The following ZNF423 variants were observed in gnomAD, a reference collection of about 807,000 sequenced individuals.
The protein encoded by ZNF423 is Ebf-associated zinc finger protein.
In ZNF423, 12 loss-of-function variants were observed where a neutral mutation model predicts 95.8. The observed-to-expected ratio is 0.13, with a 90% CI of 0.08 to 0.20. The LOEUF (loss-of-function observed/expected upper bound fraction) is 0.20, where lower values mean the gene tolerates loss of function less well. Ranked by LOEUF, ZNF423 falls within the 10% of genes least tolerant of loss-of-function variation. The pLI, the probability that ZNF423 is intolerant of heterozygous loss-of-function variation, is 1.00. For missense variants in ZNF423, 1,316 were observed against 1,737.1 expected, an observed-to-expected ratio of 0.76 and a Z score of 4.31; for synonymous variants, 749 against 711.9, an observed-to-expected ratio of 1.05 and a Z score of -0.83.
intron 1 of ZNF423, among the ~76,000 whole-genome samples, chr16:49,806,226 C>A (rs780762805): frequency 1.3e-5 from 2 of 152,218 alleles, no homozygotes; most frequent in African/African-American, 4.8e-5. Context: ...GGCACCCCAG[C>A]CCCCCAGGGA....
intron 4 of ZNF423, among the ~76,000 whole-genome samples, chr16:49,632,623 C>T (rs986296499): frequency 1.3e-5 from 2 of 152,148 alleles, no homozygotes; most frequent in Admixed American, 1.3e-4. Flanking sequence ...CCCTGCACAG[C>T]CGCGCACAGC....
At chr16:49,508,379 G>A (rs56985590) in intron 7 of ZNF423, among the ~76,000 whole-genome samples, 8,170 of 151,962 alleles carry the variant, frequency 0.054, 325 homozygotes, top group African/African-American at 0.11. Context: ...CGTTAGCTGG[G>A]TATAGTGGTG....
At chr16:49,776,271 C>T (rs996102399) in intron 2 of ZNF423, among the ~76,000 whole-genome samples, 2 of 152,234 alleles carry the variant, frequency 1.3e-5, no homozygotes, top group Non-Finnish European at 2.9e-5. Flanking sequence ...AGCCGACCCC[C>T]ACTCCCAGGA....
chr16:49,639,688 T>C (rs1369953403), intron 3 of ZNF423, among the ~76,000 whole-genome samples: 1 of 152,068 alleles, frequency 6.6e-6, no homozygotes, highest in Non-Finnish European at 1.5e-5. Flanking sequence ...AATGAGGACA[T>C]GGAAGGCCAC....
intron 7 of ZNF423, among the ~76,000 whole-genome samples, chr16:49,493,197 T>A (rs368028165): frequency 7.0e-4 from 107 of 152,218 alleles, no homozygotes; most frequent in African/African-American, 2.5e-3. Context: ...ACAGCCATCC[T>A]CCTGCTACCT....
intron 7 of ZNF423, among the ~76,000 whole-genome samples, chr16:49,509,967 G>A (rs1025135923): frequency 1.3e-5 from 2 of 152,360 alleles, no homozygotes; most frequent in East Asian, 3.9e-4. Flanking sequence ...GTGCCTGGTT[G>A]GTGGTGGTGC....
At chr16:49,519,481 A>G (rs929337115) in intron 7 of ZNF423, among the ~76,000 whole-genome samples, 7 of 152,124 alleles carry the variant, frequency 4.6e-5, no homozygotes, top group Non-Finnish European at 1.0e-4. Context: ...GCATCAGGCT[A>G]TGGTTTTCAC....
chr16:49,684,569 TG>T (rs1329518553), intron 3 of ZNF423, among the ~76,000 whole-genome samples: 2 of 152,198 alleles, frequency 1.3e-5, no homozygotes, highest in Non-Finnish European at 2.9e-5. Flanking sequence ...AAGTCTGCTT[TG>T]GGCTGAAGAT....
chr16:49,580,956 G>GA (rs767248285), intron 5 of ZNF423, among the ~76,000 whole-genome samples: 3 of 152,126 alleles, frequency 2.0e-5, no homozygotes, highest in African/African-American at 7.2e-5. Flanking sequence ...CACATGCACA[G>GA]AAAAAGGGCC....
intron 3 of ZNF423, among the ~76,000 whole-genome samples, chr16:49,659,431 T>G (rs1315533761): frequency 6.6e-6 from 1 of 152,192 alleles, no homozygotes; most frequent in African/African-American, 2.4e-5. Flanking sequence ...CATAATCCTT[T>G]CACTAGACCC....
intron 3 of ZNF423, among the ~76,000 whole-genome samples, chr16:49,725,005 C>T (rs980400838): frequency 6.6e-6 from 1 of 152,210 alleles, no homozygotes; most frequent in African/African-American, 2.4e-5. Context: ...TTCTCAAGCA[C>T]AGGCAAGCTG....
At chr16:49,842,825 A>C (rs755287505) in intron 1 of ZNF423, among the ~76,000 whole-genome samples, 3 of 152,004 alleles carry the variant, frequency 2.0e-5, no homozygotes, top group Non-Finnish European at 4.4e-5. Context: ...AATAAAAATA[A>C]AAAATTAGCC....
chr16:49,540,290 T>G (rs1026536904), intron 5 of ZNF423, among the ~76,000 whole-genome samples: 3 of 152,152 alleles, frequency 2.0e-5, no homozygotes, highest in Non-Finnish European at 4.4e-5. Context: ...TTGTTTTGTT[T>G]TGTTTTGTTT....
chr16:49,506,759 G>A (rs902589520), intron 7 of ZNF423, among the ~76,000 whole-genome samples: 16 of 151,424 alleles, frequency 1.1e-4, no homozygotes, highest in Non-Finnish European at 2.4e-4. Context: ...GGACGAATGG[G>A]TAGGTGATAG....
chr16:49,801,297 G>C (rs2034579318), intron 1 of ZNF423, among the ~76,000 whole-genome samples: 1 of 152,198 alleles, frequency 6.6e-6, no homozygotes, highest in African/African-American at 2.4e-5. Context: ...TCTGGCACTG[G>C]AGGCTTTTAC....
chr16:49,755,040 G>A (rs1055888935), intron 2 of ZNF423, among the ~76,000 whole-genome samples: 9 of 152,294 alleles, frequency 5.9e-5, no homozygotes, highest in Admixed American at 2.0e-4. Context: ...GCAGCGGCAC[G>A]CTCTCCCCTG....
chr16:49,531,869 A>T lies in ZNF423; in HGVS notation c.3602-6375T>A, dbSNP rs1413432653. Among the ~76,000 whole-genome samples, 27 of 152,178 alleles carry T rather than the reference A, an allele frequency of 1.8e-4. 1 individual carries two copies. The highest frequency in any genetic ancestry group is 1.8e-3 in the Admixed American group (27 of 15,286). Reference sequence around the variant, plus strand: ...CACTTCCCTGCCAAGCAGCCCGGGCAGCACCTGGGAGCTTGAGAGAAATGC... The same window carrying T: ...CACTTCCCTGCCAAGCAGCCCGGGCTGCACCTGGGAGCTTGAGAGAAATGC... On this transcript the variant is annotated intron_variant, in intron 5 of 7. Transcript: ENST00000563137.
chr16:49,751,522 T>C (rs1002276803), intron 2 of ZNF423, among the ~76,000 whole-genome samples: 1 of 152,114 alleles, frequency 6.6e-6, no homozygotes, highest in African/African-American at 2.4e-5. Flanking sequence ...CCAGCCTAAA[T>C]TGGTCAAATC....
At chr16:49,857,152 T>A (rs2035380242), upstream of ZNF423, among the ~76,000 whole-genome samples, 1 of 150,292 alleles carries the variant, frequency 6.7e-6, no homozygotes, top group Non-Finnish European at 1.5e-5. The surrounding 1 kb of genome is among the most constrained non-coding windows in gnomAD (Gnocchi z 6.2). Flanking sequence ...AGCAGGAGGA[T>A]GTGAGGAGCG....
Sources: gnomAD v4.1 joint callset for allele counts (sites outside exome capture counted in the v4.1 genomes callset) on GRCh38, gnomAD v4.1.1 for gene constraint, Gnocchi (gnomAD v3.1) non-coding constraint, MANE v1.5 for transcripts, NCBI Gene and HGNC (gene_info 2026-07-23, HGNC 2026-07-21) for gene names.